PAQR3: variants seen among roughly 807,000 people sequenced by gnomAD.
The protein encoded by PAQR3 is progestin and adipoQ receptor family member 3.
A neutral mutation model predicts 41.7 loss-of-function variants in PAQR3; 39 were observed. The observed-to-expected ratio is 0.93, with a 90% CI of 0.72 to 1.22. The LOEUF (loss-of-function observed/expected upper bound fraction) is 1.22. Ranked by LOEUF, PAQR3 falls within the 50% of genes most tolerant of loss-of-function variation. The pLI, the probability that PAQR3 is intolerant of heterozygous loss-of-function variation, is 0.00. For missense variants in PAQR3, 366 were observed against 385.6 expected, an observed-to-expected ratio of 0.95 and a Z score of 0.42; for synonymous variants, 140 against 140.6, an observed-to-expected ratio of 1.00 and a Z score of 0.03.
intron 4 of PAQR3, 46 bp downstream of exon 4, chr4:78,926,475 G>T (rs1176142914): frequency 1.3e-6 from 2 of 1,502,392 alleles, no homozygotes; most frequent in African/African-American, 1.4e-5. Context: ...GAATAAAATT[G>T]AAAGGAAAAA....
intron 12 of PAQR3, among the ~76,000 whole-genome samples, chr4:78,887,796 A>T (rs1468865357): frequency 6.6e-6 from 1 of 152,208 alleles, no homozygotes; most frequent in African/African-American, 2.4e-5. Context: ...TAACACTTGG[A>T]AGATACTAGG....
At chr4:78,936,976 C>G (rs1737493543) in intron 1 of PAQR3, among the ~76,000 whole-genome samples, 1 of 152,208 alleles carries the variant, frequency 6.6e-6, no homozygotes, top group Non-Finnish European at 1.5e-5. Context: ...GCAAGAACAT[C>G]TCCAATAAAG....
intron 1 of PAQR3, among the ~76,000 whole-genome samples, chr4:78,937,784 A>G (rs1242229599): frequency 6.6e-6 from 1 of 152,196 alleles, no homozygotes; most frequent in Non-Finnish European, 1.5e-5. Context: ...CTCTATACTT[A>G]ATTTTCCACT....
At position 78,939,283 on chromosome 4, in the gene PAQR3, G is replaced by T; in HGVS notation, c.-59C>A. The T allele has an allele frequency of 1.3e-6, 2 of 1,503,730 alleles. No individual in the cohort carries two copies. The highest frequency in any genetic ancestry group is 1.8e-6 in the Non-Finnish European group (2 of 1,127,366). 93.1% of individuals were successfully genotyped at this position (1,503,730 alleles called of 1,614,324 possible). ...GCTCCCCCAGGTCCCGCCTCCCCGG[G>T]GAGGGGGCTTCGCCGCTGGCGCCCC... On this transcript the variant is annotated 5_prime_UTR_variant, in exon 1 of 6. Transcript: ENST00000512733.
At chr4:78,938,929 G>A in intron 1 of PAQR3, 111 bp downstream of exon 1, 1 of 1,057,442 alleles carries the variant, frequency 9.5e-7, no homozygotes. Context: ...AGGATGGGGC[G>A]GCGAGGAAAT....
chr4:78,889,543 A>G (rs1733312444), intron 11 of PAQR3, among the ~76,000 whole-genome samples: 1 of 152,200 alleles, frequency 6.6e-6, no homozygotes. Context: ...ATTTGGGGAC[A>G]TTCATTTTTC....
Position 78,939,175 on chromosome 4 carries a change from T to A in PAQR3, c.50A>T (p.Tyr17Phe). Residue 17 changes from tyrosine to phenylalanine, a missense_variant, in exon 1 of 6, where the codon TAC (tyrosine) becomes TTC (phenylalanine). Coordinates refer to ENST00000512733, the MANE Select transcript of PAQR3 (RefSeq NM_001040202.2). ...KSAHYIELGSYQYWPVLVPRG... is the reference protein window; with the variant it reads ...KSAHYIELGSFQYWPVLVPRG... The stretch of plus-strand genomic sequence containing the variant: ...GGGCACCAGGACCGGCCAGTACTGG[T>A]AGCTGCCCAGCTCGATGTAATGCGC... 3 of 1,611,850 alleles carry A rather than the reference T, an allele frequency of 1.9e-6. No individual in the cohort carries two copies. The South Asian group carries it at 3.3e-5, about 18-fold the overall frequency.
At chr4:78,910,795 TCTC>T (rs756439486), downstream of PAQR3, 12 of 1,613,696 alleles carry the variant, frequency 7.4e-6, no homozygotes, top group South Asian at 4.4e-5. Context: ...AGATCCCCCT[TCTC>T]CTAAGAGCAG....
intron 3 of PAQR3, 84 bp downstream of exon 3, chr4:78,930,085 CT>C: frequency 7.7e-7 from 1 of 1,305,190 alleles, no homozygotes; most frequent in Non-Finnish European, 1.1e-6. Flanking sequence ...TAATTATGTA[CT>C]TATTCAGAAA....
intron 3 of PAQR3, among the ~76,000 whole-genome samples, chr4:78,928,294 A>G (rs1736458341): frequency 6.6e-6 from 1 of 152,202 alleles, no homozygotes; most frequent in Non-Finnish European, 1.5e-5. Context: ...ATGCAAAATG[A>G]GTAAGTTATG....
chr4:78,926,765 G>A, intron 3 of PAQR3, 47 bp from the exon 4 acceptor site: 1 of 1,557,352 alleles, frequency 6.4e-7, no homozygotes, highest in East Asian at 2.3e-5. Context: ...TAACAATAAA[G>A]GAACTGAAAA....
intron 2 of PAQR3, among the ~76,000 whole-genome samples, chr4:78,931,575 G>C (rs1047298264): frequency 6.6e-6 from 1 of 152,084 alleles, no homozygotes; most frequent in East Asian, 1.9e-4. Flanking sequence ...AGGTGATACA[G>C]AATCACTGAA....
At position 78,935,196 on chromosome 4, in the gene PAQR3, C is replaced by T; in HGVS notation, c.273G>A (p.Met91Ile). ...CACTTGCTGAAGGTAACACAGATGT[C>T]ATGTCATATATTCCCAGGGTGAAGA... ...FLFFTLGIYD[M>I]TSVLPSASAS... The change falls in exon 2 of 6, where the codon ATG becomes ATA. Residue 91 changes from methionine to isoleucine, a missense_variant. Physicochemically the swap from Met to Ile is conservative, Grantham distance 10. Transcript: ENST00000512733. The T allele has an allele frequency of 6.2e-7, 1 of 1,613,816 alleles. No homozygotes were observed. The highest frequency in any genetic ancestry group is 2.2e-5 in the East Asian group (1 of 44,868).
intron 1 of PAQR3, 149 bp downstream of exon 1, chr4:78,938,891 G>A (rs1014302287): frequency 3.2e-5 from 21 of 662,052 alleles, no homozygotes; most frequent in Non-Finnish European, 7.7e-6. Flanking sequence ...AGATAACGGG[G>A]GAGGAGAGGC....
At chr4:78,932,190 C>A (rs1170445098) in intron 2 of PAQR3, among the ~76,000 whole-genome samples, 1 of 152,158 alleles carries the variant, frequency 6.6e-6, no homozygotes, top group Non-Finnish European at 1.5e-5. Flanking sequence ...TACTTTGCCA[C>A]AACTTCATTG....
chr4:78,931,895 T>C (rs866681440), intron 2 of PAQR3, among the ~76,000 whole-genome samples: 3 of 152,202 alleles, frequency 2.0e-5, no homozygotes, highest in Admixed American at 6.5e-5. Context: ...ATTATGGGTA[T>C]GATAAGATAC....
chr4:78,933,402 G>A (rs908456404), intron 2 of PAQR3, among the ~76,000 whole-genome samples: 4 of 149,870 alleles, frequency 2.7e-5, no homozygotes, highest in African/African-American at 4.9e-5. Flanking sequence ...TTATCTGGTT[G>A]CGAGGAAAGC....
chr4:78,895,677 TAAAG>T (rs1262956135), intron 11 of PAQR3, among the ~76,000 whole-genome samples: 1 of 152,194 alleles, frequency 6.6e-6, no homozygotes, highest in Non-Finnish European at 1.5e-5. Context: ...TATCTATTGT[TAAAG>T]AAAAATCATC....
chr4:78,910,495 T>TAAGG, downstream of PAQR3: 1 of 878,440 alleles, frequency 1.1e-6, no homozygotes, highest in Admixed American at 3.4e-5. Context: ...TTTTTTCCTC[T>TAAGG]AAGGGAACTC....
Sources: gnomAD v4.1 joint callset for allele counts (sites outside exome capture counted in the v4.1 genomes callset) on GRCh38, gnomAD v4.1.1 for gene constraint, MANE v1.5 for transcripts, NCBI Gene and HGNC (gene_info 2026-07-23, HGNC 2026-07-21) for gene names.